The following PCDH9 variants were observed in gnomAD, a reference collection of about 807,000 sequenced individuals.
PCDH9 encodes protocadherin-9.
PCDH9 carries 24 observed loss-of-function variants against 70.6 expected under a neutral mutation model. The observed-to-expected ratio is 0.34, with a 90% confidence interval of 0.25 to 0.48. The LOEUF (loss-of-function observed/expected upper bound fraction) is 0.48, where lower values mean the gene tolerates loss of function less well. PCDH9 is among the 20% of genes least tolerant of loss of function. PCDH9 has a pLI of 0.99. For missense variants in PCDH9, 1,281 were observed against 1,503.6 expected (o/e 0.85, Z 2.45); for synonymous variants, 562 against 558.5 (o/e 1.01, Z -0.09).
At chr13:66,351,866 A>G (rs1460585241) in intron 4 of PCDH9, among the ~76,000 whole-genome samples, 1 of 148,990 alleles carries the variant, frequency 6.7e-6, no homozygotes, top group Non-Finnish European at 1.5e-5. Context: ...TAAGACAGAG[A>G]TTCACTCTTA....
chr13:66,643,215 T>C (rs1280754022), intron 3 of PCDH9, among the ~76,000 whole-genome samples: 1 of 152,056 alleles, frequency 6.6e-6, no homozygotes, highest in Non-Finnish European at 1.5e-5. Flanking sequence ...TTTAAGCCTC[T>C]CTTGCTTTAA....
At chr13:66,608,305 T>A (rs2077247539) in intron 4 of PCDH9, among the ~76,000 whole-genome samples, 1 of 152,100 alleles carries the variant, frequency 6.6e-6, no homozygotes, top group Admixed American at 6.6e-5. Flanking sequence ...TATAAGCTGG[T>A]CTGATTGCCT....
chr13:66,402,768 C>T (rs1479271647), intron 4 of PCDH9, among the ~76,000 whole-genome samples: 5 of 151,984 alleles, frequency 3.3e-5, no homozygotes, highest in African/African-American at 1.2e-4. Context: ...ATAAACTTCA[C>T]GTAATGGAAA....
At chr13:66,648,980 T>G (rs1040309892) in intron 3 of PCDH9, among the ~76,000 whole-genome samples, 3 of 152,040 alleles carry the variant, frequency 2.0e-5, no homozygotes, top group African/African-American at 7.2e-5. Flanking sequence ...TTAGTGAGCT[T>G]GAAGACATGC....
intron 2 of PCDH9, among the ~76,000 whole-genome samples, chr13:66,969,715 A>T (rs2139744130): frequency 6.6e-6 from 1 of 152,112 alleles, no homozygotes; most frequent in East Asian, 1.9e-4. Flanking sequence ...CTAAAATGGG[A>T]TTTTTTATCA....
intron 4 of PCDH9, among the ~76,000 whole-genome samples, chr13:66,464,722 G>T (rs1958487112): frequency 2.0e-5 from 3 of 151,926 alleles, no homozygotes; most frequent in Admixed American, 1.3e-4. Context: ...TGGACTATTT[G>T]CAGGAAAGTG....
At chr13:67,064,574 C>T (rs896459786) in intron 2 of PCDH9, among the ~76,000 whole-genome samples, 3 of 152,078 alleles carry the variant, frequency 2.0e-5, no homozygotes, top group Admixed American at 2.0e-4. Context: ...AATATCTGTT[C>T]CTTGTAGAAT....
intron 3 of PCDH9, among the ~76,000 whole-genome samples, chr13:66,827,505 G>A (rs1032909083): frequency 6.6e-6 from 1 of 152,162 alleles, no homozygotes; most frequent in East Asian, 1.9e-4. Flanking sequence ...AGATGGTTAT[G>A]AGTTGGACGT....
chr13:66,801,791 G>A lies in PCDH9; in HGVS notation c.3138+101713C>T, dbSNP rs539898021. On this transcript the variant is annotated intron_variant, in intron 3 of 4. Coordinates refer to ENST00000377865, the MANE Select transcript of PCDH9 (RefSeq NM_203487.3). ...AGATATATTATTAAGCAAGTGGAGA[G>A]TAATCTTGTGGCTTTTTGAAAATCT... is the stretch of plus-strand genomic sequence containing the variant. Among the ~76,000 whole-genome samples, 6 of 152,134 alleles carry A rather than the reference G, an allele frequency of 3.9e-5. No homozygotes were observed. The East Asian group carries it at 1.2e-3, about 29-fold the overall frequency.
At chr13:66,539,377 A>G (rs902759349) in intron 4 of PCDH9, among the ~76,000 whole-genome samples, 1 of 152,110 alleles carries the variant, frequency 6.6e-6, no homozygotes, top group African/African-American at 2.4e-5. Flanking sequence ...AAGTAATTGA[A>G]TCATGGGTGT....
At chr13:66,717,187 G>A (rs1489072743) in intron 3 of PCDH9, among the ~76,000 whole-genome samples, 1 of 151,842 alleles carries the variant, frequency 6.6e-6, no homozygotes, top group African/African-American at 2.4e-5. Context: ...CGGGCACGGT[G>A]GCTCACGCCT....
At chr13:66,803,071 A>G (rs2080351899) in intron 3 of PCDH9, among the ~76,000 whole-genome samples, 1 of 151,612 alleles carries the variant, frequency 6.6e-6, no homozygotes, top group South Asian at 2.1e-4. Flanking sequence ...AACTCTGACT[A>G]CACACAGTGT....
At chr13:67,172,127 T>G (rs2088303361) in intron 2 of PCDH9, among the ~76,000 whole-genome samples, 1 of 152,200 alleles carries the variant, frequency 6.6e-6, no homozygotes, top group Admixed American at 6.5e-5. Flanking sequence ...AACATCAGCT[T>G]CTCTTCCAAT....
chr13:66,779,767 G>A (rs1345041458), intron 3 of PCDH9, among the ~76,000 whole-genome samples: 2 of 150,446 alleles, frequency 1.3e-5, no homozygotes, highest in Non-Finnish European at 3.0e-5. Context: ...GTTGCAGTGA[G>A]CTGAGATTGC....
chr13:66,510,011 C>G (rs1388987813), intron 4 of PCDH9, among the ~76,000 whole-genome samples: 1 of 152,132 alleles, frequency 6.6e-6, no homozygotes, highest in Non-Finnish European at 1.5e-5. Flanking sequence ...CAAATAATGG[C>G]TGACAAATTC....
intron 2 of PCDH9, among the ~76,000 whole-genome samples, chr13:67,120,880 A>T (rs545593292): frequency 1.3e-5 from 2 of 152,104 alleles, no homozygotes; most frequent in African/African-American, 2.4e-5. Flanking sequence ...GTTTTTAAAC[A>T]TCGGAAAAAT....
intron 3 of PCDH9, among the ~76,000 whole-genome samples, chr13:66,655,652 A>G (rs760232275): frequency 5.9e-5 from 9 of 152,156 alleles, no homozygotes; most frequent in Non-Finnish European, 1.0e-4. Flanking sequence ...CAATATTAAA[A>G]TCCTAAAAAT....
intron 3 of PCDH9, among the ~76,000 whole-genome samples, chr13:66,751,768 T>C (rs2079463080): frequency 6.6e-6 from 1 of 152,200 alleles, no homozygotes. Context: ...TAATTTTTAA[T>C]TAATTAGAAT....
chr13:66,658,621 A>C (rs899546327), intron 3 of PCDH9, among the ~76,000 whole-genome samples: 1 of 152,154 alleles, frequency 6.6e-6, no homozygotes, highest in Admixed American at 6.6e-5. Context: ...TTTATTCACA[A>C]TGTTTTCTTA....
Sources: gnomAD v4.1 joint callset for allele counts (sites outside exome capture counted in the v4.1 genomes callset) on GRCh38, gnomAD v4.1.1 for gene constraint, MANE v1.5 for transcripts, NCBI Gene and HGNC (gene_info 2026-07-23, HGNC 2026-07-21) for gene names.